The following CLCA4 variants were observed in gnomAD, a reference collection of about 807,000 sequenced individuals.
The protein encoded by CLCA4 is calcium-activated chloride channel regulator 4.
In CLCA4, 69 loss-of-function variants were observed where a neutral mutation model predicts 78.9. The ratio of observed to expected loss-of-function variants is 0.87; its 90% CI spans 0.72 to 1.07. CLCA4 has a LOEUF of 1.07. Among genes scored for constraint, CLCA4 ranks in the 50% least tolerant of loss-of-function variants. CLCA4 has a pLI of 0.00. For synonymous variants in CLCA4, 362 were observed against 375.8 expected (o/e 0.96, Z 0.42); for missense variants, 1,133 against 1,095.8 (o/e 1.03, Z -0.48).
At chr1:86,571,692 G>A (rs1180037893) in intron 8 of CLCA4, among the ~76,000 whole-genome samples, 1 of 151,942 alleles carries the variant, frequency 6.6e-6, no homozygotes. Flanking sequence ...GCGCATGGAG[G>A]GAATGGTGAA....
chr1:86,547,141 G>GTT lies in CLCA4; in HGVS notation c.25_26dup (p.Leu10SerfsTer3). The stretch of plus-strand genomic sequence containing the variant: ...AACAATGGGGTTATTCAGAGGTTTT[G>GTT]TTTTCCTCTTAGTTCTGTGCCTGCT... On this transcript the variant is annotated frameshift_variant, in exon 1 of 14. Coordinates refer to ENST00000370563, the MANE Select transcript of CLCA4 (RefSeq NM_012128.4). LOFTEE classifies it high-confidence loss of function. 1.2e-6 allele frequency: 2 copies of GTT among 1,606,362 alleles called. No individual in the cohort carries two copies. Among genetic ancestry groups the GTT allele is most frequent in the Non-Finnish European group, 1.7e-6 (2 of 1,178,038 alleles).
At chr1:86,576,900 G>A (rs1007075908) in intron 11 of CLCA4, among the ~76,000 whole-genome samples, 3 of 152,002 alleles carry the variant, frequency 2.0e-5, no homozygotes, top group South Asian at 2.1e-4. Flanking sequence ...TTCTAGGAAC[G>A]GAAGCTTCTG....
intron 1 of CLCA4, chr1:86,553,434 T>C: frequency 2.6e-6 from 1 of 378,624 alleles, no homozygotes. Flanking sequence ...AGATCCTCTA[T>C]TCCAGCAAGC....
chr1:86,579,456 C>T lies in CLCA4; in HGVS notation c.2225C>T (p.Ser742Leu). 6.2e-7 allele frequency: 1 copy of T among 1,613,332 alleles called. No individual in the cohort carries two copies. The highest frequency in any genetic ancestry group is 8.5e-7 in the Non-Finnish European group (1 of 1,179,522). ...RTASGGAFVV[S>L]QVPSLPLPDQ... ...GCATCCGGAGGTGCATTTGTGGTAT[C>T]ACAAGTCCCAAGCCTTCCCTTGCCT... Residue 742 changes from serine (S) to leucine (L), a missense_variant, in exon 13 of 14, where the codon TCA becomes TTA. Coordinates refer to ENST00000370563, the MANE Select transcript of CLCA4 (RefSeq NM_012128.4).
chr1:86,555,497 A>T (rs1649812089), intron 1 of CLCA4, among the ~76,000 whole-genome samples: 1 of 152,102 alleles, frequency 6.6e-6, no homozygotes, highest in South Asian at 2.1e-4. Context: ...TTTGTTGAAG[A>T]TTAGATGGTG....
At chr1:86,578,751 C>G (rs1373184298) in intron 12 of CLCA4, among the ~76,000 whole-genome samples, 1 of 152,062 alleles carries the variant, frequency 6.6e-6, no homozygotes, top group Non-Finnish European at 1.5e-5. Context: ...TGAACCTAAG[C>G]ACAAGCCTGT....
Position 86,580,288 on chromosome 1 carries a change from A to G in CLCA4, c.2703A>G (p.Val901=). The change falls in exon 14 of 14, where the codon GTA becomes GTG. Residue 901 remains valine (V), a synonymous_variant. Transcript: ENST00000370563. ...CTGGAGTTAATATTTCTACGCTGGT[A>G]TTGTCTGTGATTGGGTCTGTTGTAA... ...HNSGVNISTL[V]LSVIGSVVIV... 2 of 1,611,098 alleles carry G rather than the reference A, an allele frequency of 1.2e-6. No individual in the cohort carries two copies. The highest frequency in any genetic ancestry group is 2.2e-5 in the East Asian group (1 of 44,748).
Position 86,565,408 on chromosome 1 carries a change from A to C in CLCA4, c.692A>C (p.Gln231Pro). 1.9e-6 allele frequency: 3 copies of C among 1,606,846 alleles called. No individual in the cohort carries two copies. In the South Asian group the frequency reaches 3.3e-5, roughly 18 times the overall value. ...KDCQFFPDKV[Q>P]TEKASIMFMQ... ...TGTCAATTCTTTCCTGATAAAGTAC[A>C]AACAGAAAAAGCATCCATAATGTTT... The change falls in exon 5 of 14, where the codon CAA becomes CCA. Residue 231 changes from glutamine to proline, a missense_variant. Physicochemically the swap from Gln to Pro is moderately conservative, Grantham distance 76. Coordinates refer to ENST00000370563, the MANE Select transcript of CLCA4 (RefSeq NM_012128.4).
intron 8 of CLCA4, among the ~76,000 whole-genome samples, chr1:86,571,592 A>G (rs1207711360): frequency 1.3e-5 from 2 of 152,074 alleles, no homozygotes; most frequent in Non-Finnish European, 2.9e-5. Flanking sequence ...GGCTTTGAAC[A>G]GGTGGTGAAT....
At chr1:86,574,277 G>A (rs1430036314) in intron 9 of CLCA4, among the ~76,000 whole-genome samples, 1 of 151,874 alleles carries the variant, frequency 6.6e-6, no homozygotes, top group East Asian at 1.9e-4. Flanking sequence ...TGCTTGCCAA[G>A]ACAACCGGGA....
Position 86,579,408 on chromosome 1 carries a change from C to A in CLCA4, c.2177C>A (p.Thr726Asn). 2 of 1,613,280 alleles carry A rather than the reference C, an allele frequency of 1.2e-6. No homozygotes were observed. Among genetic ancestry groups the A allele is most frequent in the Admixed American group, 1.7e-5 (1 of 59,906 alleles). ...RPEIDEDTQTTLEDFSRTASG... is the reference protein window; with the variant it reads ...RPEIDEDTQTNLEDFSRTASG... ...GAAATTGATGAGGATACTCAGACCA[C>A]CTTGGAGGATTTCAGCCGAACAGCA... is the stretch of plus-strand genomic sequence containing the variant. Residue 726 changes from threonine (T) to asparagine (N), a missense_variant, in exon 13 of 14, where the codon ACC (threonine) becomes AAC (asparagine). By Grantham distance (65) the Thr-to-Asn change is moderately conservative (BLOSUM62 0). Coordinates refer to ENST00000370563, the MANE Select transcript of CLCA4 (RefSeq NM_012128.4).
chr1:86,547,754 T>C (rs1649543497), intron 1 of CLCA4, among the ~76,000 whole-genome samples: 1 of 152,174 alleles, frequency 6.6e-6, no homozygotes, highest in Non-Finnish European at 1.5e-5. Context: ...TCATTTAACA[T>C]AATGTCCTCC....
chr1:86,565,815 G>T lies in CLCA4; in HGVS notation c.749G>T (p.Cys250Phe). The T allele has an allele frequency of 6.6e-7, 1 of 1,517,470 alleles. No individual in the cohort carries two copies. The allele number at this position is 1,517,470 out of a possible 1,614,324, so 94.0% of individuals were successfully genotyped here. Residue 250 changes from cysteine to phenylalanine, a missense_variant, in exon 6 of 14, where the codon TGT becomes TTT. Transcript: ENST00000370563. ...MQSIDSVVEF[C>F]NEKTHNQEAP... ...TTAACCTTTTAGGTTGTTGAATTTT[G>T]TAACGAAAAAACCCATAATCAAGAA...
intron 3 of CLCA4, 84 bp downstream of exon 3, chr1:86,560,442 C>A: frequency 7.2e-7 from 1 of 1,379,898 alleles, no homozygotes; most frequent in Non-Finnish European, 9.9e-7. Context: ...GCCATGGGGC[C>A]AAAGTCCCTA....
intron 1 of CLCA4, among the ~76,000 whole-genome samples, chr1:86,552,190 A>T (rs1375121325): frequency 6.6e-6 from 1 of 152,214 alleles, no homozygotes; most frequent in Admixed American, 6.5e-5. Flanking sequence ...ATCTAAAGAC[A>T]TAAGGTATAA....
At chr1:86,567,020 G>T (rs1391528197) in intron 6 of CLCA4, among the ~76,000 whole-genome samples, 1 of 151,958 alleles carries the variant, frequency 6.6e-6, no homozygotes, top group East Asian at 1.9e-4. Flanking sequence ...TCTCTGGTTG[G>T]AGTCTGCAAC....
At chr1:86,553,849 T>C (rs1425378864) in intron 1 of CLCA4, among the ~76,000 whole-genome samples, 2 of 152,008 alleles carry the variant, frequency 1.3e-5, no homozygotes, top group Middle Eastern at 3.4e-3. Flanking sequence ...GGCAGGAGAA[T>C]CGCTTGAACC....
rs201713954 is a variant in CLCA4 at position 86,577,927 on chromosome 1, A to G, written c.1977A>G (p.Gly659=). The change falls in exon 12 of 14, where the codon GGA becomes GGG. Residue 659 remains glycine, a synonymous_variant. Coordinates refer to ENST00000370563, the MANE Select transcript of CLCA4 (RefSeq NM_012128.4). ...GCGCTGATTCTTTCAAGAATGATGGAGTCTACTCCAGGTATTTTACAGCAT... is the reference window on the plus strand; with the variant it reads ...GCGCTGATTCTTTCAAGAATGATGGGGTCTACTCCAGGTATTTTACAGCAT... ...GAGADSFKND[G]VYSRYFTAYT... 2 of 1,612,124 alleles carry G rather than the reference A, an allele frequency of 1.2e-6. No homozygotes were observed. Among genetic ancestry groups the G allele is most frequent in the Admixed American group, 1.7e-5 (1 of 59,752 alleles).
In CLCA4 at chr1:86,560,191, A is replaced by G; in HGVS notation, c.301-20A>G. ...TCTTTTTTATTTTTGATGTTTGACA[A>G]TCTTTTTCAACATTCTCAGGCTGAT... On this transcript the variant is annotated intron_variant, in intron 2 of 13. Transcript: ENST00000370563. 1 of 1,582,936 alleles carries G rather than the reference A, an allele frequency of 6.3e-7. No homozygotes were observed. The highest frequency in any genetic ancestry group is 1.4e-5 in the African/African-American group (1 of 73,200).
Sources: allele counts gnomAD v4.1 joint callset (sites outside exome capture counted in the v4.1 genomes callset), GRCh38; gene constraint gnomAD v4.1.1; transcripts MANE v1.5; gene names NCBI Gene and HGNC (gene_info 2026-07-23, HGNC 2026-07-21).